Variants in ARID2 observed in about 807,000 individuals in gnomAD.
The protein encoded by ARID2 is AT-rich interaction domain 2, also known as AT-rich interactive domain-containing protein 2.
A neutral mutation model predicts 184.6 loss-of-function variants in ARID2; 32 were observed. That is an observed-to-expected ratio of 0.17 (90% CI 0.13 to 0.23). The LOEUF is 0.23. Ranked by LOEUF, ARID2 falls within the 10% of genes least tolerant of loss-of-function variation. The pLI is 1.00. For missense variants in ARID2, 1,696 were observed against 2,197.6 expected (o/e 0.77, Z 4.56); for synonymous variants, 836 against 772.6 (o/e 1.08, Z -1.36).
rs2138130551 is a variant in ARID2 at position 45,837,386 on chromosome 12, A to G, written c.1089A>G (p.Leu363=). 1 of 1,612,572 alleles carries G rather than the reference A, an allele frequency of 6.2e-7. No individual in the cohort carries two copies. The highest frequency in any genetic ancestry group is 1.1e-5 in the South Asian group (1 of 90,608). The change falls in exon 9 of 21, where the codon CTA becomes CTG. Residue 363 remains leucine, a synonymous_variant. Coordinates refer to ENST00000334344, the MANE Select transcript of ARID2 (RefSeq NM_152641.4). ...TGTTTCATACTGTTACAAAATGTCT[A>G]ATGTCAAGGGATAGATTTTTAAAGA... The part of the protein sequence containing the change: ...HLMFHTVTKC[L]MSRDRFLKMR...
At chr12:45,782,512 A>C (rs1942113133) in intron 3 of ARID2, among the ~76,000 whole-genome samples, 1 of 151,878 alleles carries the variant, frequency 6.6e-6, no homozygotes, top group African/African-American at 2.4e-5. Flanking sequence ...GATGCCTGCA[A>C]CCCCAGCTAC....
In ARID2 at chr12:45,848,902, C is replaced by T. The variant is rs748131575; in HGVS notation, c.1647C>T (p.Tyr549=). The change falls in exon 13 of 21, where the codon TAC becomes TAT. Residue 549 remains tyrosine (Y), a synonymous_variant. Transcript: ENST00000334344. The part of the protein sequence containing the change: ...SVSRAEMYSE[Y]LSTCSKLARG... ...CTCGAGCAGAAATGTATTCTGAATA[C>T]CTCTCGACTTGCAGTAAATTAGCTC... The T allele has an allele frequency of 5.0e-6, 8 of 1,612,448 alleles. No individual in the cohort carries two copies. Among genetic ancestry groups the T allele is most frequent in the Non-Finnish European group, 5.9e-6 (7 of 1,178,978 alleles).
intron 3 of ARID2, among the ~76,000 whole-genome samples, chr12:45,804,684 T>TA (rs1203002970): frequency 6.6e-6 from 1 of 152,064 alleles, no homozygotes; most frequent in Non-Finnish European, 1.5e-5. Flanking sequence ...TTTTTGATGT[T>TA]AAAAAAATTT....
intron 20 of ARID2, among the ~76,000 whole-genome samples, chr12:45,896,654 G>A (rs1234014876): frequency 6.6e-6 from 1 of 152,064 alleles, no homozygotes; most frequent in African/African-American, 2.4e-5. Context: ...CCCAGTCTTG[G>A]GTATGTCTTT....
At chr12:45,880,049 A>G (rs916619911) in intron 16 of ARID2, among the ~76,000 whole-genome samples, 1 of 152,182 alleles carries the variant, frequency 6.6e-6, no homozygotes, top group Admixed American at 6.6e-5. Context: ...GCCTTTAAAC[A>G]TAGGAGTTTT....
intron 6 of ARID2, among the ~76,000 whole-genome samples, chr12:45,825,737 G>A (rs1223347550): frequency 6.6e-6 from 1 of 152,092 alleles, no homozygotes; most frequent in Admixed American, 6.6e-5. Context: ...CGTGGTGCAT[G>A]ATTGTAGTTC....
chr12:45,897,937 C>T (rs144397550), intron 20 of ARID2, among the ~76,000 whole-genome samples: 3 of 151,876 alleles, frequency 2.0e-5, no homozygotes, highest in Admixed American at 6.6e-5. Flanking sequence ...CTTGACCTCT[C>T]CAGGCTCAGG....
intron 3 of ARID2, among the ~76,000 whole-genome samples, chr12:45,750,256 C>T (rs1453269872): frequency 6.6e-6 from 1 of 152,108 alleles, no homozygotes; most frequent in East Asian, 1.9e-4. Flanking sequence ...GGAGAATGAC[C>T]AGTCAGTGGA....
At chr12:45,896,557 C>T (rs1443796504) in intron 20 of ARID2, among the ~76,000 whole-genome samples, 3 of 152,178 alleles carry the variant, frequency 2.0e-5, no homozygotes, top group Non-Finnish European at 4.4e-5. Context: ...CCATGTGAGA[C>T]GTACTTTTCA....
chr12:45,792,520 C>A (rs185428423), intron 3 of ARID2, among the ~76,000 whole-genome samples: 1 of 152,158 alleles, frequency 6.6e-6, no homozygotes. Flanking sequence ...GCTTTGTATA[C>A]AGTATGTCCA....
At chr12:45,844,535 G>T (rs1486993970) in intron 11 of ARID2, among the ~76,000 whole-genome samples, 2 of 152,188 alleles carry the variant, frequency 1.3e-5, no homozygotes, top group African/African-American at 4.8e-5. Context: ...TAAAATACTG[G>T]TATTGACAGG....
intron 16 of ARID2, among the ~76,000 whole-genome samples, chr12:45,885,171 G>C (rs1365124137): frequency 6.6e-6 from 1 of 151,180 alleles, no homozygotes; most frequent in Non-Finnish European, 1.5e-5. Flanking sequence ...TTAGCAGCTT[G>C]TTACTAAGTC....
At chr12:45,742,730 G>C (rs1941287096) in intron 3 of ARID2, among the ~76,000 whole-genome samples, 1 of 152,094 alleles carries the variant, frequency 6.6e-6, no homozygotes, top group African/African-American at 2.4e-5. Flanking sequence ...AGTAAATAAT[G>C]TCATCTGAAT....
intron 3 of ARID2, among the ~76,000 whole-genome samples, chr12:45,787,370 A>C (rs2138047489): frequency 6.6e-6 from 1 of 151,878 alleles, no homozygotes; most frequent in East Asian, 1.9e-4. Flanking sequence ...AGCATGCACC[A>C]ATATGTCTGG....
intron 4 of ARID2, among the ~76,000 whole-genome samples, chr12:45,812,005 T>C (rs1025298659): frequency 2.0e-5 from 3 of 151,978 alleles, no homozygotes; most frequent in African/African-American, 7.3e-5. Context: ...TTTTCACTTG[T>C]CATGCTTGTA....
chr12:45,869,410 T>C (rs1224050721), intron 16 of ARID2, among the ~76,000 whole-genome samples: 1 of 152,192 alleles, frequency 6.6e-6, no homozygotes, highest in African/African-American at 2.4e-5. Flanking sequence ...GCCCATGTTA[T>C]TACTTTTTTT....
chr12:45,857,894 G>A (rs768889669), intron 15 of ARID2, among the ~76,000 whole-genome samples: 1 of 151,978 alleles, frequency 6.6e-6, no homozygotes, highest in Non-Finnish European at 1.5e-5. Context: ...CGAGTGGCTG[G>A]CACTACAGGT....
At chr12:45,866,802 C>G (rs1943838181) in intron 16 of ARID2, among the ~76,000 whole-genome samples, 1 of 152,142 alleles carries the variant, frequency 6.6e-6, no homozygotes. Flanking sequence ...AGGAATGGTA[C>G]ATTTGTTATA....
Position 45,798,087 on chromosome 12 carries a change from C to G in ARID2, c.285-13331C>G, listed in dbSNP as rs1353720765. ...TAGAAATACACCATATACACAGTTG[C>G]TCTGTACCCTTTTTTACTATGTGTC... On this transcript the variant is annotated intron_variant, in intron 3 of 20. Transcript: ENST00000334344. 2.0e-5 allele frequency among the ~76,000 whole-genome samples: 3 copies of G among 152,088 alleles called. No homozygotes were observed. In the South Asian group the frequency reaches 6.2e-4, roughly 31 times the overall value.
Sources: allele counts gnomAD v4.1 joint callset (sites outside exome capture counted in the v4.1 genomes callset), GRCh38; gene constraint gnomAD v4.1.1; transcripts MANE v1.5; gene names NCBI Gene and HGNC (gene_info 2026-07-23, HGNC 2026-07-21).